Variants in PCDH9 observed in about 807,000 individuals in gnomAD.
PCDH9 encodes the protein protocadherin 9.
Under a neutral mutation model 70.6 loss-of-function variants are expected in PCDH9, and 24 were observed. The observed-to-expected ratio is 0.34, with a 90% confidence interval of 0.25 to 0.48. The LOEUF is 0.48. Ranked by LOEUF, PCDH9 falls within the 20% of genes least tolerant of loss-of-function variation. PCDH9 has a pLI of 0.99. For missense variants in PCDH9, 1,281 were observed against 1,503.6 expected (o/e 0.85, Z 2.45); for synonymous variants, 562 against 558.5 (o/e 1.01, Z -0.09).
intron 3 of PCDH9, among the ~76,000 whole-genome samples, chr13:66,823,400 C>T (rs9540926): frequency 0.52 from 78,493 of 151,042 alleles, 21,563 homozygotes; most frequent in South Asian, 0.66. Flanking sequence ...CTGAACTACA[C>T]TAACAGTATA....
At chr13:66,562,437 A>T (rs1046806367) in intron 4 of PCDH9, among the ~76,000 whole-genome samples, 2 of 152,124 alleles carry the variant, frequency 1.3e-5, no homozygotes, top group Non-Finnish European at 1.5e-5. Flanking sequence ...TAATTTATTA[A>T]AAAAAAGAGG....
chr13:66,980,294 T>TCA (rs890735603), intron 2 of PCDH9, among the ~76,000 whole-genome samples: 4 of 152,022 alleles, frequency 2.6e-5, no homozygotes, highest in African/African-American at 9.7e-5. Flanking sequence ...ATGATCTTCA[T>TCA]CACACACACA....
intron 4 of PCDH9, among the ~76,000 whole-genome samples, chr13:66,477,552 A>G (rs906155949): frequency 6.6e-6 from 1 of 152,200 alleles, no homozygotes; most frequent in Non-Finnish European, 1.5e-5. Context: ...GCTGTATGGT[A>G]TTAGGCAAAT....
chr13:67,081,233 G>A (rs556355501), intron 2 of PCDH9, among the ~76,000 whole-genome samples: 18 of 152,276 alleles, frequency 1.2e-4, no homozygotes, highest in African/African-American at 4.1e-4. Flanking sequence ...TAGTGGTTAT[G>A]TTTTGAGCAT....
intron 3 of PCDH9, among the ~76,000 whole-genome samples, chr13:66,780,183 T>C (rs1290496932): frequency 2.6e-5 from 4 of 152,130 alleles, no homozygotes; most frequent in African/African-American, 9.7e-5. Context: ...CTTTACTGTC[T>C]TTATGCATCC....
At chr13:66,685,861 C>A (rs2078393963) in intron 3 of PCDH9, among the ~76,000 whole-genome samples, 1 of 152,136 alleles carries the variant, frequency 6.6e-6, no homozygotes. Flanking sequence ...TTGTTTTGGC[C>A]AGTTTATCCC....
intron 4 of PCDH9, among the ~76,000 whole-genome samples, chr13:66,311,099 A>C (rs1009571696): frequency 2.0e-5 from 3 of 152,050 alleles, no homozygotes; most frequent in African/African-American, 7.2e-5. Flanking sequence ...TGTTTTAAAG[A>C]AATTTCCTTT....
intron 4 of PCDH9, among the ~76,000 whole-genome samples, chr13:66,574,082 T>C (rs368059595): frequency 2.6e-5 from 4 of 152,320 alleles, no homozygotes; most frequent in African/African-American, 9.6e-5. Flanking sequence ...CTTTCCTACT[T>C]GCCTACGGCA....
intron 2 of PCDH9, among the ~76,000 whole-genome samples, chr13:67,108,132 C>G (rs966731317): frequency 6.6e-6 from 1 of 152,208 alleles, no homozygotes; most frequent in Non-Finnish European, 1.5e-5. Flanking sequence ...ACCTGGCTCA[C>G]CCTTGGCAGC....
intron 2 of PCDH9, chr13:67,210,936 C>T (rs991995424): frequency 6.6e-6 from 1 of 151,942 alleles, no homozygotes; most frequent in Non-Finnish European, 1.5e-5. Context: ...GAGAATGCCA[C>T]ATTTTTGATT....
chr13:66,790,227 T>C (rs1594064724), intron 3 of PCDH9, among the ~76,000 whole-genome samples: 1 of 152,144 alleles, frequency 6.6e-6, no homozygotes, highest in East Asian at 1.9e-4. Context: ...TTTATATAGT[T>C]GTAAACCTTT....
chr13:66,415,817 A>G (rs1593941803), intron 4 of PCDH9, among the ~76,000 whole-genome samples: 1 of 152,350 alleles, frequency 6.6e-6, no homozygotes, highest in South Asian at 2.1e-4. Flanking sequence ...TAAAAGACAA[A>G]AAGTGTAAAA....
chr13:66,567,857 A>G (rs937417162), intron 4 of PCDH9, among the ~76,000 whole-genome samples: 1 of 152,190 alleles, frequency 6.6e-6, no homozygotes, highest in Non-Finnish European at 1.5e-5. Context: ...CTGATGTACA[A>G]TTTACTTCTT....
At chr13:66,320,404 C>T (rs1955732921) in intron 4 of PCDH9, among the ~76,000 whole-genome samples, 1 of 151,952 alleles carries the variant, frequency 6.6e-6, no homozygotes, top group Non-Finnish European at 1.5e-5. Context: ...CAGTCTGTTT[C>T]TCCCTAATAA....
At chr13:66,869,266 A>C (rs536421068) in intron 3 of PCDH9, among the ~76,000 whole-genome samples, 2 of 152,280 alleles carry the variant, frequency 1.3e-5, no homozygotes, top group South Asian at 4.1e-4. Flanking sequence ...GAAGAGTTTT[A>C]ATAGTGTCCT....
intron 4 of PCDH9, among the ~76,000 whole-genome samples, chr13:66,592,512 T>C (rs2077051089): frequency 6.6e-6 from 1 of 151,780 alleles, no homozygotes; most frequent in African/African-American, 2.4e-5. Flanking sequence ...AGCAGGAATA[T>C]ACAGTGCTTC....
At chr13:66,904,923 T>A (rs906555000) in intron 2 of PCDH9, among the ~76,000 whole-genome samples, 1 of 152,016 alleles carries the variant, frequency 6.6e-6, no homozygotes, top group South Asian at 2.1e-4. Context: ...ATAAGCCTTT[T>A]AGCATGAAAA....
chr13:66,865,409 C>T (rs532734690), intron 3 of PCDH9, among the ~76,000 whole-genome samples: 5 of 152,264 alleles, frequency 3.3e-5, no homozygotes, highest in Admixed American at 2.6e-4. Context: ...TCTTTTCATG[C>T]TGTCATTATC....
chr13:66,338,673 T>G (rs978267132), intron 4 of PCDH9, among the ~76,000 whole-genome samples: 1 of 151,906 alleles, frequency 6.6e-6, no homozygotes, highest in Non-Finnish European at 1.5e-5. Flanking sequence ...GTGTGAGAAA[T>G]TCTATCTGCC....
Sources: allele counts gnomAD v4.1 joint callset (sites outside exome capture counted in the v4.1 genomes callset), GRCh38; gene constraint gnomAD v4.1.1; transcripts MANE v1.5; gene names NCBI Gene and HGNC (gene_info 2026-07-23, HGNC 2026-07-21).